Variants in FGF18 observed in about 807,000 individuals in gnomAD.
FGF18 encodes the protein fibroblast growth factor 18.
Under a neutral mutation model 23.0 loss-of-function variants are expected in FGF18, and 5 were observed. The ratio of observed to expected loss-of-function variants is 0.22; its 90% CI spans 0.11 to 0.46. The LOEUF (loss-of-function observed/expected upper bound fraction) is 0.46. Ranked by LOEUF, FGF18 falls within the 20% of genes least tolerant of loss-of-function variation. The pLI is 0.99. For missense variants in FGF18, 180 were observed against 291.6 expected, an observed-to-expected ratio of 0.62 and a Z score of 2.79; for synonymous variants, 117 against 118.9, an observed-to-expected ratio of 0.98 and a Z score of 0.10.
At position 171,449,388 on chromosome 5, in the gene FGF18, T is replaced by TGTGC. The variant is rs1554140478; in HGVS notation, c.357+138_357+139insCGTG. ...GTGTGTGTGTGTGTGTGTGTGTGTGTGTGTGTGTGTGTGAGAGAGAGAGAG... is the reference window on the plus strand; with the variant it reads ...GTGTGTGTGTGTGTGTGTGTGTGTGTGTGCGTGTGTGTGTGTGAGAGAGAGAGAG... On this transcript the variant is annotated intron_variant, in intron 4 of 4. Transcript: ENST00000274625. 6.2e-5 allele frequency: 32 copies of TGTGC among 513,004 alleles called. 1 individual carries two copies. In the African/African-American group the frequency reaches 6.6e-4, roughly 11 times the overall value. The allele number at this position is 513,004 out of a possible 1,614,324, so 31.8% of individuals were successfully genotyped here.
chr5:171,449,360 C>CAT, intron 4 of FGF18, 107 bp downstream of exon 4: 2 of 184,226 alleles, frequency 1.1e-5, no homozygotes, highest in Admixed American at 5.7e-5. Flanking sequence ...GAAAACAGGC[C>CAT]GTGTGTGTGT....
chr5:171,430,219 G>A (rs563422293), intron 2 of FGF18, among the ~76,000 whole-genome samples: 96 of 152,134 alleles, frequency 6.3e-4, no homozygotes, highest in Non-Finnish European at 2.1e-4. Context: ...TTCACTGGGC[G>A]CGGTGGCAGG....
At position 171,457,531 on chromosome 5, in the gene FGF18, A is replaced by C. The variant is rs1164940732; in HGVS notation, c.*726A>C. Reference sequence around the variant, plus strand: ...ATATTATATATATTATATATATATAAGCTATTTATTTCACCTCTCTGTATA... The same window carrying C: ...ATATTATATATATTATATATATATACGCTATTTATTTCACCTCTCTGTATA... On this transcript the variant is annotated 3_prime_UTR_variant, in exon 5 of 5. Coordinates refer to ENST00000274625, the MANE Select transcript of FGF18 (RefSeq NM_003862.3). The C allele has an allele frequency of 6.6e-6, 1 of 151,792 alleles. No individual in the cohort carries two copies. Among genetic ancestry groups the C allele is most frequent in the Admixed American group, 6.6e-5 (1 of 15,254 alleles). 9.4% of individuals were successfully genotyped at this position (151,792 alleles called of 1,614,324 possible). A position where few individuals can be genotyped will look rare whatever the true frequency, so the allele number is the denominator to read the frequency against.
At chr5:171,449,360 C>CGT (rs56932885) in intron 4 of FGF18, 107 bp downstream of exon 4, 8,452 of 185,674 alleles carry the variant, frequency 0.046, 160 homozygotes, top group Middle Eastern at 0.062. Context: ...GAAAACAGGC[C>CGT]GTGTGTGTGT....
At chr5:171,433,544 A>G (rs1772209033) in intron 2 of FGF18, among the ~76,000 whole-genome samples, 1 of 152,082 alleles carries the variant, frequency 6.6e-6, no homozygotes, top group South Asian at 2.1e-4. Context: ...GGAGCACTGG[A>G]GTTCTTCTGT....
At chr5:171,421,484 C>G (rs902268132) in intron 2 of FGF18, among the ~76,000 whole-genome samples, 2 of 152,144 alleles carry the variant, frequency 1.3e-5, no homozygotes, top group African/African-American at 4.8e-5. Flanking sequence ...GGTGGCTTTC[C>G]GGGATTAGAG....
intron 3 of FGF18, among the ~76,000 whole-genome samples, chr5:171,447,133 A>G (rs923914584): frequency 1.3e-5 from 2 of 152,142 alleles, no homozygotes; most frequent in African/African-American, 4.8e-5. Context: ...CCCAATAACT[A>G]TTGAAGATTA....
At position 171,451,071 on chromosome 5, in the gene FGF18, G is replaced by A. The variant is rs866119912; in HGVS notation, c.357+1818G>A. On this transcript the variant is annotated intron_variant, in intron 4 of 4. Coordinates refer to ENST00000274625, the MANE Select transcript of FGF18 (RefSeq NM_003862.3). This position sits in a 1 kb window ranked among gnomAD's most constrained non-coding sequence, Gnocchi z 4.5. The stretch of plus-strand genomic sequence containing the variant: ...GGGCCGCCCCCCCACCCCGCCGCCG[G>A]CCGCCTCCCGCCCGCGGGCGAGCCG... Among the ~76,000 whole-genome samples the A allele has an allele frequency of 1.5e-3, 229 of 149,186 alleles. No individual in the cohort carries two copies. Among genetic ancestry groups the A allele is most frequent in the African/African-American group, 5.4e-3 (218 of 40,700 alleles).
At chr5:171,420,487 C>T in intron 2 of FGF18, 44 bp downstream of exon 2, 2 of 1,584,348 alleles carry the variant, frequency 1.3e-6, no homozygotes, top group East Asian at 2.2e-5. Flanking sequence ...CCCTGCCTCG[C>T]GGTACACGCC....
In FGF18 at chr5:171,440,994, G is replaced by T. The variant is rs1772334005; in HGVS notation, c.250+4721G>T. Among the ~76,000 whole-genome samples the T allele has an allele frequency of 6.6e-6, 1 of 152,182 alleles. No homozygotes were observed. The highest frequency in any genetic ancestry group is 2.4e-5 in the African/African-American group (1 of 41,434). ...AGCACAAGGCCTGGCAGAGAGCAGG[G>T]CCCCTTTAAATGTGGCTAGAAGGAT... is the stretch of plus-strand genomic sequence containing the variant. On this transcript the variant is annotated intron_variant, in intron 3 of 4. Transcript: ENST00000274625. This position sits in a 1 kb window ranked among gnomAD's most constrained non-coding sequence, Gnocchi z 4.0.
At chr5:171,430,794 C>CAAAA (rs566577499) in intron 2 of FGF18, among the ~76,000 whole-genome samples, 1 of 53,812 alleles carries the variant, frequency 1.9e-5, no homozygotes, top group South Asian at 5.8e-4. Flanking sequence ...GACTCCGTCT[C>CAAAA]AAAAAAAAAA....
chr5:171,421,752 G>A (rs1045284869), intron 2 of FGF18, among the ~76,000 whole-genome samples: 1 of 152,116 alleles, frequency 6.6e-6, no homozygotes. Flanking sequence ...AAGGGTGGAC[G>A]GACTGATGGG....
intron 2 of FGF18, among the ~76,000 whole-genome samples, chr5:171,430,794 CAAAAAAAAAAAA>C (rs566577499): frequency 0.091 from 4,894 of 53,952 alleles, 255 homozygotes; most frequent in Middle Eastern, 0.27. Flanking sequence ...GACTCCGTCT[CAAAAAAAAAAAA>C]AAAAAAAAAA....
intron 3 of FGF18, 108 bp from the exon 4 acceptor site, chr5:171,449,039 G>A (rs879786440): frequency 3.6e-5 from 28 of 782,064 alleles, no homozygotes; most frequent in Non-Finnish European, 5.6e-5. Context: ...CTGATTTTGG[G>A]GGAGTGAGGG....
At chr5:171,453,423 A>G (rs1161944696) in intron 4 of FGF18, among the ~76,000 whole-genome samples, 1 of 152,174 alleles carries the variant, frequency 6.6e-6, no homozygotes, top group Non-Finnish European at 1.5e-5. Context: ...CTCCTTGTAC[A>G]TCCAAAACCT....
intron 2 of FGF18, among the ~76,000 whole-genome samples, chr5:171,423,514 G>C (rs931572038): frequency 8.5e-5 from 13 of 152,238 alleles, no homozygotes; most frequent in African/African-American, 2.9e-4. Context: ...CGGCGGGGTG[G>C]GGGGGCATCC....
At chr5:171,420,340 G>A (rs1221214751) in intron 1 of FGF18, 67 bp from the exon 2 acceptor site, 28 of 1,606,272 alleles carry the variant, frequency 1.7e-5, no homozygotes, top group Non-Finnish European at 2.4e-5. Context: ...CTTCGACTGC[G>A]TGTCTGTCTG....
chr5:171,451,785 C>T lies in FGF18; in HGVS notation c.357+2532C>T, dbSNP rs1772514088. On this transcript the variant is annotated intron_variant, in intron 4 of 4. Transcript: ENST00000274625. This position sits in a 1 kb window ranked among gnomAD's most constrained non-coding sequence, Gnocchi z 4.5. ...ACCGCTGTTCCATGGACGGGGCCTT[C>T]GGGCACTGTCCATGCTGTGCCCTCT... Among the ~76,000 whole-genome samples, 1 of 152,182 alleles carries T rather than the reference C, an allele frequency of 6.6e-6. No homozygotes were observed. Among genetic ancestry groups the T allele is most frequent in the African/African-American group, 2.4e-5 (1 of 41,450 alleles).
At chr5:171,437,332 A>G (rs1257804857) in intron 3 of FGF18, among the ~76,000 whole-genome samples, 1 of 152,164 alleles carries the variant, frequency 6.6e-6, no homozygotes, top group Non-Finnish European at 1.5e-5. Flanking sequence ...CCGGGGCAGG[A>G]CTGACCTCAT....
Sources: allele counts gnomAD v4.1 joint callset (sites outside exome capture counted in the v4.1 genomes callset), GRCh38; gene constraint gnomAD v4.1.1; non-coding constraint Gnocchi (gnomAD v3.1); transcripts MANE v1.5; gene names NCBI Gene and HGNC (gene_info 2026-07-23, HGNC 2026-07-21).